The following SLC10A7 variants were observed in gnomAD, a reference collection of about 807,000 sequenced individuals.
SLC10A7 encodes solute carrier family 10 member 7.
Under a neutral mutation model 43.2 loss-of-function variants are expected in SLC10A7, and 29 were observed. The observed-to-expected ratio is 0.67, with a 90% CI of 0.50 to 0.92. The LOEUF is 0.92. Among genes scored for constraint, SLC10A7 ranks in the 40% least tolerant of loss-of-function variants. The pLI, the probability that SLC10A7 is intolerant of heterozygous loss-of-function variation, is 0.00. For synonymous variants in SLC10A7, 152 were observed against 144.8 expected, an observed-to-expected ratio of 1.05 and a Z score of -0.35; for missense variants, 295 against 403.2, an observed-to-expected ratio of 0.73 and a Z score of 2.30.
At chr4:146,297,491 T>C (rs572762309) in intron 7 of SLC10A7, among the ~76,000 whole-genome samples, 121 of 152,308 alleles carry the variant, frequency 7.9e-4, no homozygotes, top group African/African-American at 2.8e-3. Flanking sequence ...GTTTTCTTAA[T>C]ATTTTTAAAG....
At chr4:146,490,703 A>ACTTATTGTGG in intron 4 of SLC10A7, among the ~76,000 whole-genome samples, 1 of 152,328 alleles carries the variant, frequency 6.6e-6, no homozygotes, top group South Asian at 2.1e-4. Context: ...TCTTAACTGG[A>ACTTATTGTGG]ACTAAAATGG....
intron 5 of SLC10A7, among the ~76,000 whole-genome samples, chr4:146,344,932 G>A (rs989986379): frequency 1.3e-5 from 2 of 152,112 alleles, no homozygotes; most frequent in East Asian, 1.9e-4. Flanking sequence ...ATAAACAACT[G>A]TTCTCTCTGG....
At chr4:146,289,928 C>A (rs1730303424) in intron 9 of SLC10A7, among the ~76,000 whole-genome samples, 1 of 149,680 alleles carries the variant, frequency 6.7e-6, no homozygotes, top group African/African-American at 2.4e-5. Context: ...GTTGGCCTGG[C>A]TGGTTTTGAA....
At chr4:146,351,273 AG>A (rs1320829756) in intron 5 of SLC10A7, among the ~76,000 whole-genome samples, 79 of 150,408 alleles carry the variant, frequency 5.3e-4, no homozygotes, top group African/African-American at 1.9e-3. Flanking sequence ...ACTGGAAGAA[AG>A]GGTATCAGCA....
intron 5 of SLC10A7, among the ~76,000 whole-genome samples, chr4:146,356,267 GAA>G (rs946518659): frequency 1.3e-5 from 2 of 151,970 alleles, no homozygotes; most frequent in African/African-American, 4.8e-5. Context: ...GAAATGTGAA[GAA>G]AAATTTCAGT....
intron 4 of SLC10A7, among the ~76,000 whole-genome samples, chr4:146,465,006 T>C (rs1411332283): frequency 6.6e-6 from 1 of 152,142 alleles, no homozygotes; most frequent in Non-Finnish European, 1.5e-5. Context: ...CAATTTCTTA[T>C]GAAACAAAGA....
At chr4:146,471,684 T>C (rs777881751) in intron 4 of SLC10A7, among the ~76,000 whole-genome samples, 1 of 152,232 alleles carries the variant, frequency 6.6e-6, no homozygotes, top group Non-Finnish European at 1.5e-5. Context: ...AGTTACTCTA[T>C]GTCACACCAA....
At chr4:146,347,122 G>A (rs995441593) in intron 5 of SLC10A7, among the ~76,000 whole-genome samples, 1 of 152,104 alleles carries the variant, frequency 6.6e-6, no homozygotes, top group Admixed American at 6.5e-5. Context: ...GAAGGGTAGA[G>A]GTGGAAGGCA....
rs1246166333 is a variant in SLC10A7 at position 146,503,898 on chromosome 4, G to A, written c.347C>T (p.Pro116Leu). ...KGLQTVGCMP[P>L]PVSSAVILTK... ...TAAAATCACTGCAGAAGACACAGGC[G>A]GAGGCATGCAACCTACTGTCTGCAA... Residue 116 changes from proline (P) to leucine (L), a missense_variant, in exon 4 of 12, where the codon CCG becomes CTG. Coordinates refer to ENST00000335472, the MANE Select transcript of SLC10A7 (RefSeq NM_001029998.6). 6.8e-6 allele frequency: 11 copies of A among 1,613,910 alleles called. No homozygotes were observed. The highest frequency in any genetic ancestry group is 2.2e-5 in the South Asian group (2 of 91,062).
intron 4 of SLC10A7, among the ~76,000 whole-genome samples, chr4:146,495,247 A>G (rs954518966): frequency 1.3e-4 from 20 of 152,216 alleles, no homozygotes; most frequent in African/African-American, 4.8e-4. Flanking sequence ...ACTACAAGCC[A>G]AAGCAGTAAC....
chr4:146,466,274 C>T (rs540178024), intron 4 of SLC10A7, among the ~76,000 whole-genome samples: 8 of 152,134 alleles, frequency 5.3e-5, no homozygotes, highest in East Asian at 3.9e-4. Flanking sequence ...TTAATAAAAA[C>T]GTATAGTACT....
chr4:146,347,372 T>C (rs1026825303), intron 5 of SLC10A7, among the ~76,000 whole-genome samples: 3 of 152,192 alleles, frequency 2.0e-5, no homozygotes, highest in Non-Finnish European at 4.4e-5. Context: ...GCAATGAGAT[T>C]ATGAAATACC....
At chr4:146,449,828 G>A (rs764140618) in intron 4 of SLC10A7, among the ~76,000 whole-genome samples, 102 of 152,192 alleles carry the variant, frequency 6.7e-4, no homozygotes, top group Non-Finnish European at 1.0e-3. Flanking sequence ...GGCCTCACTT[G>A]GGAAAGAAGG....
At chr4:146,482,230 A>C (rs1291094004) in intron 4 of SLC10A7, among the ~76,000 whole-genome samples, 1 of 152,224 alleles carries the variant, frequency 6.6e-6, no homozygotes, top group Non-Finnish European at 1.5e-5. Flanking sequence ...GAATGATACC[A>C]CCAAAGGAAC....
Position 146,351,331 on chromosome 4 carries a change from A to T in SLC10A7, c.436-25335T>A, listed in dbSNP as rs572867964. Among the ~76,000 whole-genome samples the T allele has an allele frequency of 2.0e-3, 304 of 151,836 alleles. 3 individuals are homozygous for T. Among genetic ancestry groups the T allele is most frequent in the African/African-American group, 6.1e-3 (253 of 41,308 alleles). ...ATGAAGCGAGAAGGGAAGTTTAGAG[A>T]AAAAAGAATAAAAAGAAATGAGCAA... On this transcript the variant is annotated intron_variant, in intron 5 of 11. Transcript: ENST00000335472.
chr4:146,469,790 G>A lies in SLC10A7; in HGVS notation c.397-26969C>T, dbSNP rs529896348. Among the ~76,000 whole-genome samples the A allele has an allele frequency of 7.2e-5, 11 of 151,986 alleles. No individual in the cohort carries two copies. In the South Asian group the frequency reaches 1.0e-3, roughly 14 times the overall value. On this transcript the variant is annotated intron_variant, in intron 4 of 11. Transcript: ENST00000335472. ...ACCACAGGTGCATGCCACCATACCC[G>A]GCTATGTTTTAAATTTTTTTGTAGA...
chr4:146,274,822 A>G (rs965072546), intron 10 of SLC10A7, among the ~76,000 whole-genome samples: 12 of 152,164 alleles, frequency 7.9e-5, no homozygotes, highest in Non-Finnish European at 1.2e-4. Context: ...TGTCATAAGG[A>G]TATTCTTTTG....
chr4:146,397,736 T>G (rs1302700452), intron 5 of SLC10A7, among the ~76,000 whole-genome samples: 1 of 152,158 alleles, frequency 6.6e-6, no homozygotes, highest in African/African-American at 2.4e-5. Context: ...AGCCAATAAA[T>G]AAAGAACTGC....
intron 9 of SLC10A7, among the ~76,000 whole-genome samples, chr4:146,288,638 G>A (rs761316194): frequency 1.3e-5 from 2 of 152,200 alleles, no homozygotes; most frequent in Non-Finnish European, 2.9e-5. Flanking sequence ...ACAAGGTCAT[G>A]ACAAGACCCA....
Sources: allele counts gnomAD v4.1 joint callset (sites outside exome capture counted in the v4.1 genomes callset), GRCh38; gene constraint gnomAD v4.1.1; transcripts MANE v1.5; gene names NCBI Gene and HGNC (gene_info 2026-07-23, HGNC 2026-07-21).